Variants in CTNNA3 observed in about 807,000 individuals in gnomAD.
The protein encoded by CTNNA3 is catenin alpha-3.
Under a neutral mutation model 95.7 loss-of-function variants are expected in CTNNA3, and 76 were observed. The ratio of observed to expected loss-of-function variants is 0.79; its 90% CI spans 0.66 to 0.96. The LOEUF (loss-of-function observed/expected upper bound fraction) is 0.96, where lower values mean the gene tolerates loss of function less well. Among genes scored for constraint, CTNNA3 ranks in the 40% least tolerant of loss-of-function variants. The pLI is 0.00. For missense variants in CTNNA3, 1,191 were observed against 1,089.8 expected, an observed-to-expected ratio of 1.09 and a Z score of -1.31; for synonymous variants, 431 against 374.4, an observed-to-expected ratio of 1.15 and a Z score of -1.74.
chr10:67,032,087 C>T (rs1238866632), intron 7 of CTNNA3, among the ~76,000 whole-genome samples: 1 of 152,118 alleles, frequency 6.6e-6, no homozygotes, highest in East Asian at 1.9e-4. Flanking sequence ...CATATTTTAG[C>T]TCATGAAATC....
In CTNNA3 at chr10:66,131,363, A is replaced by G. The variant is rs190966179; in HGVS notation, c.1885-28114T>C. Among the ~76,000 whole-genome samples the G allele has an allele frequency of 7.8e-4, 119 of 152,276 alleles. 2 individuals carry two copies. In the East Asian group the frequency reaches 0.017, roughly 22 times the overall value. ...CAGCAACACGTCAAAAAACTAACCC[A>G]CCACAATCAAGAATGCTTTATTCCT... is the stretch of plus-strand genomic sequence containing the variant. On this transcript the variant is annotated intron_variant, in intron 13 of 17. Transcript: ENST00000433211.
intron 12 of CTNNA3, among the ~76,000 whole-genome samples, chr10:66,338,769 G>A (rs992579897): frequency 7.2e-5 from 11 of 151,824 alleles, no homozygotes; most frequent in Admixed American, 2.0e-4. Flanking sequence ...TTTGTCCAAA[G>A]CAATGTGAAA....
At chr10:66,377,959 G>C (rs2092807848) in intron 12 of CTNNA3, among the ~76,000 whole-genome samples, 1 of 152,046 alleles carries the variant, frequency 6.6e-6, no homozygotes, top group African/African-American at 2.4e-5. Context: ...TTACCACATT[G>C]TTAGCATTGC....
rs201442253 is a variant in CTNNA3 at position 66,820,244 on chromosome 10, G to T, written c.1048-44720C>A. On this transcript the variant is annotated intron_variant, in intron 7 of 17. Coordinates refer to ENST00000433211, the MANE Select transcript of CTNNA3 (RefSeq NM_013266.4). ...TAAATGAAAGAAGCTGGTCACAAAA[G>T]CTATGTTTTCTATTTACAGAAATGC... Among the ~76,000 whole-genome samples, 9 of 152,206 alleles carry T rather than the reference G, an allele frequency of 5.9e-5. No homozygotes were observed. The East Asian group carries it at 7.7e-4, about 13-fold the overall frequency.
At chr10:66,079,217 A>G (rs1315822783) in intron 14 of CTNNA3, 3 of 152,006 alleles carry the variant, frequency 2.0e-5, no homozygotes, top group Non-Finnish European at 4.4e-5. Flanking sequence ...ATTGATGTCT[A>G]CTGTAAAGTA....
intron 7 of CTNNA3, among the ~76,000 whole-genome samples, chr10:66,909,430 A>T (rs1411662732): frequency 6.6e-6 from 1 of 152,112 alleles, no homozygotes. Context: ...GAATTGCTTG[A>T]ACCCAGAGGT....
intron 11 of CTNNA3, among the ~76,000 whole-genome samples, chr10:66,509,198 A>T (rs1840569892): frequency 2.0e-5 from 3 of 151,894 alleles, no homozygotes; most frequent in African/African-American, 7.2e-5. Flanking sequence ...CCTTTGAGAA[A>T]CGATGTCCAG....
intron 2 of CTNNA3, among the ~76,000 whole-genome samples, chr10:67,618,115 T>C (rs901248012): frequency 5.9e-5 from 9 of 152,144 alleles, no homozygotes; most frequent in South Asian, 2.1e-4. Flanking sequence ...ATCCATAGTT[T>C]ATAGGACAGT....
intron 9 of CTNNA3, among the ~76,000 whole-genome samples, chr10:66,716,377 A>C (rs1256514641): frequency 6.6e-6 from 1 of 152,120 alleles, no homozygotes; most frequent in African/African-American, 2.4e-5. Context: ...ATAGTGCTCA[A>C]ATCCTAGCCC....
chr10:66,089,759 AATAT>A (rs35629436), intron 14 of CTNNA3, among the ~76,000 whole-genome samples: 1 of 148,920 alleles, frequency 6.7e-6, no homozygotes, highest in East Asian at 2.0e-4. Context: ...ATCTCAGAGA[AATAT>A]ATATATATAT....
Position 65,966,626 on chromosome 10 carries a change from G to A in CTNNA3, c.2386C>T (p.Leu796Phe), listed in dbSNP as rs1372395946. 1.2e-6 allele frequency: 2 copies of A among 1,613,608 alleles called. No individual in the cohort carries two copies. Among genetic ancestry groups the A allele is most frequent in the Admixed American group, 3.3e-5 (2 of 59,998 alleles). Residue 796 changes from leucine (L) to phenylalanine (F), a missense_variant, in exon 17 of 18, where the codon CTC (leucine) becomes TTC (phenylalanine). Physicochemically the swap from Leu to Phe is conservative, Grantham distance 22. Coordinates refer to ENST00000433211, the MANE Select transcript of CTNNA3 (RefSeq NM_013266.4). Reference sequence around the variant, plus strand: ...GCAGTACTCACAGCTGACATGATGAGCTCTCCTCCCAGGTTCTGGATCTCA... The same window carrying A: ...GCAGTACTCACAGCTGACATGATGAACTCTCCTCCCAGGTTCTGGATCTCA... ...KAEIQNLGGELIMSALDSVTS... is the reference protein window; with the variant it reads ...KAEIQNLGGEFIMSALDSVTS...
chr10:67,034,610 T>A (rs1481243336), intron 7 of CTNNA3, among the ~76,000 whole-genome samples: 1 of 152,208 alleles, frequency 6.6e-6, no homozygotes, highest in East Asian at 1.9e-4. Flanking sequence ...TCTTTACTAA[T>A]AACCTACAAA....
At chr10:66,173,270 G>T (rs2085525759) in intron 13 of CTNNA3, among the ~76,000 whole-genome samples, 1 of 151,780 alleles carries the variant, frequency 6.6e-6, no homozygotes, top group Non-Finnish European at 1.5e-5. Flanking sequence ...GGTAGAGTAT[G>T]AGATATTTTG....
chr10:67,554,718 G>C (rs1484482856), intron 3 of CTNNA3, among the ~76,000 whole-genome samples: 5 of 152,166 alleles, frequency 3.3e-5, no homozygotes, highest in African/African-American at 4.8e-5. Context: ...TGTTCACTCT[G>C]ATGGTAGTTT....
chr10:66,416,156 T>C (rs920549982), intron 11 of CTNNA3, among the ~76,000 whole-genome samples: 10 of 152,120 alleles, frequency 6.6e-5, no homozygotes, highest in African/African-American at 2.4e-4. Flanking sequence ...TGGAGAATCA[T>C]TGAATGAATT....
At chr10:67,591,082 G>A (rs757380357) in intron 3 of CTNNA3, among the ~76,000 whole-genome samples, 2 of 152,022 alleles carry the variant, frequency 1.3e-5, no homozygotes, top group Non-Finnish European at 2.9e-5. Flanking sequence ...ATAGTTATGA[G>A]AAGCCAAGTG....
At chr10:67,362,532 C>A (rs1049637719) in intron 5 of CTNNA3, among the ~76,000 whole-genome samples, 2 of 152,036 alleles carry the variant, frequency 1.3e-5, no homozygotes, top group African/African-American at 4.8e-5. Flanking sequence ...CATATATCAT[C>A]TTAATAGATG....
chr10:67,273,956 TG>T (rs1291459508), intron 5 of CTNNA3, among the ~76,000 whole-genome samples: 1 of 152,162 alleles, frequency 6.6e-6, no homozygotes, highest in Non-Finnish European at 1.5e-5. Flanking sequence ...TGAAACTATC[TG>T]AGGTGATGGG....
intron 11 of CTNNA3, among the ~76,000 whole-genome samples, chr10:66,405,334 T>C (rs1589203077): frequency 6.6e-6 from 1 of 152,182 alleles, no homozygotes; most frequent in South Asian, 2.1e-4. Context: ...GTCTAGAACA[T>C]AATGTGTTCT....
Sources: allele counts gnomAD v4.1 joint callset (sites outside exome capture counted in the v4.1 genomes callset), GRCh38; gene constraint gnomAD v4.1.1; transcripts MANE v1.5; gene names NCBI Gene and HGNC (gene_info 2026-07-23, HGNC 2026-07-21).